The following MTFR1 variants were observed in gnomAD, a reference collection of about 807,000 sequenced individuals.
The protein encoded by MTFR1 is mitochondrial fission regulator 1, also known as chondrocyte protein with a poly-proline region.
Under a neutral mutation model 38.8 loss-of-function variants are expected in MTFR1, and 28 were observed. That is an observed-to-expected ratio of 0.72 (90% CI 0.53 to 0.99). The LOEUF (loss-of-function observed/expected upper bound fraction) is 0.99, where lower values mean the gene tolerates loss of function less well. Ranked by LOEUF, MTFR1 falls within the 50% of genes least tolerant of loss-of-function variation. The pLI, the probability that MTFR1 is intolerant of heterozygous loss-of-function variation, is 0.00. For missense variants in MTFR1, 358 were observed against 395.5 expected (o/e 0.91, Z 0.81); for synonymous variants, 145 against 137.0 (o/e 1.06, Z -0.41).
intron 3 of MTFR1, among the ~76,000 whole-genome samples, chr8:65,758,435 G>C (rs1585882239): frequency 6.6e-6 from 1 of 152,132 alleles, no homozygotes; most frequent in South Asian, 2.1e-4. Flanking sequence ...TGTTATACTA[G>C]TGCACTTCTC....
At chr8:65,716,918 GTAGCCAC>G (rs1255628396) in intron 2 of MTFR1, among the ~76,000 whole-genome samples, 4 of 152,204 alleles carry the variant, frequency 2.6e-5, no homozygotes, top group African/African-American at 7.2e-5. Flanking sequence ...GTCCAATATG[GTAGCCAC>G]TAGCCACATG....
intron 3 of MTFR1, among the ~76,000 whole-genome samples, chr8:65,732,375 C>A (rs747073164): frequency 4.6e-5 from 7 of 152,154 alleles, no homozygotes; most frequent in African/African-American, 1.2e-4. Flanking sequence ...ATGTACACTT[C>A]ATGAAGACAG....
In MTFR1 at chr8:65,709,173, A is replaced by G; in HGVS notation, c.*129A>G. On this transcript the variant is annotated 3_prime_UTR_variant, in exon 8 of 8. Transcript: ENST00000262146. ...CAGTGGTCTTCTTTTCAGGCTAATT[A>G]GTGGATTAAGCAATAATGAAAGCAC... is the stretch of plus-strand genomic sequence containing the variant. 1 of 842,006 alleles carries G rather than the reference A, an allele frequency of 1.2e-6. No homozygotes were observed. 52.2% of individuals were successfully genotyped at this position (842,006 alleles called of 1,614,324 possible).
intron 3 of MTFR1, among the ~76,000 whole-genome samples, chr8:65,755,090 G>A (rs549908405): frequency 7.5e-5 from 11 of 145,846 alleles, no homozygotes; most frequent in East Asian, 6.1e-4. Context: ...GTGTGGTTTC[G>A]GCTCACTGTA....
At chr8:65,658,858 T>C (rs1248471637) in intron 1 of MTFR1, among the ~76,000 whole-genome samples, 2 of 152,138 alleles carry the variant, frequency 1.3e-5, no homozygotes, top group African/African-American at 4.8e-5. Context: ...AGCAAGAGCT[T>C]CTAAAAGAGC....
At chr8:65,707,300 A>G (rs1314820397) in intron 6 of MTFR1, 44 bp downstream of exon 6, 3 of 1,580,900 alleles carry the variant, frequency 1.9e-6, no homozygotes, top group Non-Finnish European at 2.6e-6. Flanking sequence ...TGTTTGTCTT[A>G]TAAAACCAAA....
intron 3 of MTFR1, chr8:65,745,575 C>T: frequency 1.5e-6 from 1 of 650,512 alleles, no homozygotes; most frequent in Non-Finnish European, 2.7e-6. Context: ...GATTGATTTA[C>T]TTTAAAAAAT....
At chr8:65,729,613 G>T (rs1806756422) in intron 3 of MTFR1, among the ~76,000 whole-genome samples, 1 of 152,172 alleles carries the variant, frequency 6.6e-6, no homozygotes, top group East Asian at 1.9e-4. Flanking sequence ...GCCCAGCCTG[G>T]AGTGCAGTGG....
chr8:65,747,623 T>G, intron 3 of MTFR1: 7 of 1,466,324 alleles, frequency 4.8e-6, no homozygotes, highest in Non-Finnish European at 6.6e-6. Context: ...ATCAAAAAAT[T>G]AATGTTTTCT....
chr8:65,704,658 A>C (rs1482375756), intron 4 of MTFR1, 36 bp from the exon 5 acceptor site: 4 of 1,573,166 alleles, frequency 2.5e-6, no homozygotes, highest in Non-Finnish European at 3.5e-6. Context: ...TTCTCTTACA[A>C]AGCCTGTGAC....
intron 3 of MTFR1, among the ~76,000 whole-genome samples, chr8:65,736,615 G>T (rs1434071862): frequency 6.6e-6 from 1 of 151,788 alleles, no homozygotes; most frequent in Admixed American, 6.6e-5. Context: ...GTCTGGTGTG[G>T]TGGTGCACAC....
chr8:65,654,674 C>T (rs1264018089), intron 1 of MTFR1, among the ~76,000 whole-genome samples: 1 of 152,118 alleles, frequency 6.6e-6, no homozygotes, highest in African/African-American at 2.4e-5. Flanking sequence ...AATTCCTGGG[C>T]TCAAGCGATC....
intron 3 of MTFR1, among the ~76,000 whole-genome samples, chr8:65,759,797 T>C (rs934599760): frequency 2.6e-5 from 4 of 152,098 alleles, no homozygotes; most frequent in Non-Finnish European, 4.4e-5. Context: ...TGGGGAAAGG[T>C]TGCATGTGAG....
At chr8:65,656,187 ACT>A (rs143557613) in intron 1 of MTFR1, among the ~76,000 whole-genome samples, 16,093 of 149,582 alleles carry the variant, frequency 0.11, 1,115 homozygotes, top group Middle Eastern at 0.17. Flanking sequence ...CAAGAGTGAA[ACT>A]CTGTCTCAAA....
intron 2 of MTFR1, among the ~76,000 whole-genome samples, chr8:65,716,057 C>T (rs1355176214): frequency 1.5e-5 from 2 of 131,376 alleles, no homozygotes; most frequent in Non-Finnish European, 3.1e-5. Context: ...ACTCAGGAGG[C>T]TGAGGTGGGA....
At chr8:65,760,449 C>T (rs1338351330) in intron 3 of MTFR1, among the ~76,000 whole-genome samples, 1 of 152,214 alleles carries the variant, frequency 6.6e-6, no homozygotes, top group Non-Finnish European at 1.5e-5. Flanking sequence ...AATAGATTCC[C>T]TTAGAATAAG....
chr8:65,679,503 A>G lies in MTFR1; in HGVS notation c.67-2850A>G, dbSNP rs1001944545. On this transcript the variant is annotated intron_variant, in intron 2 of 7. Transcript: ENST00000262146. Reference sequence around the variant, plus strand: ...TTCACTTGTAATCCCAGCTACAGTAATCTCAGCTACTCAAGAGGCTGAAGC... The same window carrying G: ...TTCACTTGTAATCCCAGCTACAGTAGTCTCAGCTACTCAAGAGGCTGAAGC... 7.2e-5 allele frequency: 11 copies of G among 152,182 alleles called. 1 individual carries two copies. The highest frequency in any genetic ancestry group is 7.2e-4 in the Admixed American group (11 of 15,272). The allele number at this position is 152,182 out of a possible 1,614,324, so 9.4% of individuals were successfully genotyped here. A position where few individuals can be genotyped will look rare whatever the true frequency, so the allele number is the denominator to read the frequency against.
chr8:65,673,372 T>C (rs1407588565), intron 2 of MTFR1, among the ~76,000 whole-genome samples: 1 of 146,426 alleles, frequency 6.8e-6, no homozygotes, highest in Non-Finnish European at 1.5e-5. Flanking sequence ...TCACCACTGA[T>C]CATGATCACC....
rs750732806 is a variant in MTFR1 at position 65,707,016 on chromosome 8, T to C, written c.524T>C (p.Leu175Ser). The change falls in exon 6 of 8, where the codon TTA becomes TCA. Residue 175 changes from leucine (L) to serine (S), a missense_variant. Transcript: ENST00000262146. ...QEQQNLTAGD[L>S]DSTTFGTIPP... ...TTTTCCTTTGTTTCTGTAGGTGACTTAGATTCTACCACATTTGGTACCATA... is the reference window on the plus strand; with the variant it reads ...TTTTCCTTTGTTTCTGTAGGTGACTCAGATTCTACCACATTTGGTACCATA... 6.3e-7 allele frequency: 1 copy of C among 1,595,284 alleles called. No individual in the cohort carries two copies. Among genetic ancestry groups the C allele is most frequent in the Non-Finnish European group, 8.5e-7 (1 of 1,171,710 alleles).
Sources: gnomAD v4.1 joint callset for allele counts (sites outside exome capture counted in the v4.1 genomes callset) on GRCh38, gnomAD v4.1.1 for gene constraint, MANE v1.5 for transcripts, NCBI Gene and HGNC (gene_info 2026-07-23, HGNC 2026-07-21) for gene names.